Variants in ADAP1 observed in about 807,000 individuals in gnomAD.
ADAP1 encodes arf-GAP with dual PH domain-containing protein 1.
A neutral mutation model predicts 54.9 loss-of-function variants in ADAP1; 31 were observed. That is an observed-to-expected ratio of 0.56 (90% CI 0.42 to 0.76). The LOEUF is 0.76. Among genes scored for constraint, ADAP1 ranks in the 30% least tolerant of loss-of-function variants. The probability of loss-of-function intolerance (pLI) is 0.00; values close to 1 mark genes in which losing one functional copy is unlikely to be tolerated. For missense variants in ADAP1, 535 were observed against 512.4 expected, an observed-to-expected ratio of 1.04 and a Z score of -0.42; for synonymous variants, 313 against 202.6, an observed-to-expected ratio of 1.55 and a Z score of -4.63.
At chr7:906,807 G>GGTGACACA (rs1448502881) in intron 4 of ADAP1, among the ~76,000 whole-genome samples, 1 of 90,714 alleles carries the variant, frequency 1.1e-5, no homozygotes, top group Admixed American at 9.9e-5. Context: ...AGGGGACATG[G>GGTGACACA]GGGGACATGG....
chr7:939,446 C>G (rs1250451595), intron 1 of ADAP1, among the ~76,000 whole-genome samples: 1 of 151,734 alleles, frequency 6.6e-6, no homozygotes, highest in Non-Finnish European at 1.5e-5. Flanking sequence ...CTCAAACTCC[C>G]GACTTAGGTG....
rs143505529 is a variant in ADAP1, at chr7:904,327, G to A, written c.502-55C>T. 280 of 1,522,086 alleles carry A rather than the reference G, an allele frequency of 1.8e-4. No homozygotes were observed. In the African/African-American group the frequency reaches 3.0e-3, roughly 16 times the overall value. 94.3% of individuals were successfully genotyped at this position (1,522,086 alleles called of 1,614,324 possible). ...CAGGGGCCGTCGTCCAAGCTCAAGG[G>A]AGCAGGAAGGGCAGACCCTGTGGGT... On this transcript the variant is annotated intron_variant, in intron 5 of 10. Transcript: ENST00000265846.
intron 4 of ADAP1, among the ~76,000 whole-genome samples, chr7:907,217 A>G (rs1845505940): frequency 6.6e-6 from 1 of 152,126 alleles, no homozygotes; most frequent in Non-Finnish European, 1.5e-5. Flanking sequence ...TCCCCCTGGG[A>G]GCCTAAGCAC....
chr7:900,271 G>C (rs1403869486), intron 7 of ADAP1, 107 bp from the exon 8 acceptor site: 1 of 1,395,780 alleles, frequency 7.2e-7, no homozygotes, highest in Non-Finnish European at 1.0e-6. Flanking sequence ...ACCAGGTCAG[G>C]GCCCAGGCCT....
chr7:915,618 G>C (rs1008447177), intron 4 of ADAP1, among the ~76,000 whole-genome samples: 4 of 152,196 alleles, frequency 2.6e-5, no homozygotes, highest in Admixed American at 6.5e-5. Flanking sequence ...GGAGGCTTTA[G>C]CTCATCTCAA....
At position 946,866 on chromosome 7, in the gene ADAP1, C is replaced by T. The variant is rs996953881; in HGVS notation, c.82+7530G>A. Among the ~76,000 whole-genome samples the T allele has an allele frequency of 2.0e-5, 3 of 152,218 alleles. No individual in the cohort carries two copies. The highest frequency in any genetic ancestry group is 2.9e-5 in the Non-Finnish European group (2 of 68,036). ...ATGATTAACCTGAGGCCGGGCGGGG[C>T]GGCTCACGCCTGCAATCTCAGCACC... is the stretch of plus-strand genomic sequence containing the variant. On this transcript the variant is annotated intron_variant, in intron 1 of 10. Transcript: ENST00000265846. This position sits in a 1 kb window ranked among gnomAD's most constrained non-coding sequence, Gnocchi z 4.3.
At position 931,648 on chromosome 7, in the gene ADAP1, C is replaced by T. The variant is rs556173277; in HGVS notation, c.213+3727G>A. Reference sequence around the variant, plus strand: ...CTAATATTGGCTTCAGCGAAGGTTGCACAACTCTGAATTTACTAAAAAACC... The same window carrying T: ...CTAATATTGGCTTCAGCGAAGGTTGTACAACTCTGAATTTACTAAAAAACC... On this transcript the variant is annotated intron_variant, in intron 2 of 10. Transcript: ENST00000265846. Among the ~76,000 whole-genome samples the T allele has an allele frequency of 5.3e-5, 8 of 152,012 alleles. No individual in the cohort carries two copies. In the South Asian group the frequency reaches 1.7e-3, roughly 32 times the overall value.
At chr7:928,426 T>G (rs984215816) in intron 2 of ADAP1, among the ~76,000 whole-genome samples, 11 of 152,224 alleles carry the variant, frequency 7.2e-5, no homozygotes, top group African/African-American at 2.7e-4. Flanking sequence ...TTAAAATTAC[T>G]TTTACATGCA....
Position 920,487 on chromosome 7 carries a change from G to A in ADAP1, c.306-437C>T, listed in dbSNP as rs976662777. Among the ~76,000 whole-genome samples, 66 of 143,846 alleles carry A rather than the reference G, an allele frequency of 4.6e-4. No homozygotes were observed. Among genetic ancestry groups the A allele is most frequent in the Non-Finnish European group, 8.6e-4 (57 of 66,238 alleles). The allele number at this position is 143,846 out of a possible 152,430, so 94.4% of individuals were successfully genotyped here. On this transcript the variant is annotated intron_variant, in intron 3 of 10. Transcript: ENST00000265846. This position sits in a 1 kb window ranked among gnomAD's most constrained non-coding sequence, Gnocchi z 4.5. ...GGATCTGGGAAGTGGCCGCGGCGCC[G>A]CCCTCCACCCACCGTGCTGCCACCT...
At chr7:905,253 G>T (rs1240459908) in intron 4 of ADAP1, 81 bp from the exon 5 acceptor site, 2 of 966,722 alleles carry the variant, frequency 2.1e-6, no homozygotes, top group Non-Finnish European at 3.1e-6. Flanking sequence ...CAGGACAGAG[G>T]GGACATGGGG....
intron 4 of ADAP1, among the ~76,000 whole-genome samples, chr7:911,432 G>C (rs1845717375): frequency 6.6e-6 from 1 of 152,180 alleles, no homozygotes. Flanking sequence ...GTCAGCCCCA[G>C]GGTACCCCCC....
intron 2 of ADAP1, among the ~76,000 whole-genome samples, chr7:930,125 A>AAAAC (rs1562930816): frequency 2.2e-5 from 3 of 134,718 alleles, no homozygotes; most frequent in African/African-American, 5.1e-5. Context: ...AAAAAAAAAA[A>AAAAC]AACCCTCAGG....
At chr7:931,185 C>A (rs193043408) in intron 2 of ADAP1, among the ~76,000 whole-genome samples, 4 of 152,058 alleles carry the variant, frequency 2.6e-5, no homozygotes, top group Non-Finnish European at 5.9e-5. Flanking sequence ...CCCACACAGA[C>A]CCCTGGCTGC....
At chr7:914,892 G>A (rs1218399016) in intron 4 of ADAP1, among the ~76,000 whole-genome samples, 3 of 152,012 alleles carry the variant, frequency 2.0e-5, no homozygotes, top group African/African-American at 7.2e-5. Flanking sequence ...GCAGGGTAGA[G>A]GGGAGGCTTC....
At position 898,698 on chromosome 7, in the gene ADAP1, A is replaced by G. The variant is rs1583109490; in HGVS notation, c.*223T>C. 1.6e-6 allele frequency: 1 copy of G among 612,124 alleles called. No homozygotes were observed. Among genetic ancestry groups the G allele is most frequent in the East Asian group, 2.8e-5 (1 of 35,400 alleles). The allele number at this position is 612,124 out of a possible 1,614,324, so 37.9% of individuals were successfully genotyped here. A position where few individuals can be genotyped will look rare whatever the true frequency, so the allele number is the denominator to read the frequency against. On this transcript the variant is annotated 3_prime_UTR_variant, in exon 11 of 11. Transcript: ENST00000265846. ...AGGTTGGCTGGGTGTGGTCAGCAGC[A>G]GCATGACGGGGTTAGAGATCAGGCC... is the stretch of plus-strand genomic sequence containing the variant.
chr7:935,183 G>A (rs1331184209), intron 2 of ADAP1, 192 bp downstream of exon 2: 1 of 795,224 alleles, frequency 1.3e-6, no homozygotes, highest in Non-Finnish European at 2.1e-6. Context: ...CCCGGCACGG[G>A]GTGGGTGGAG....
At chr7:900,708 TCC>T in intron 6 of ADAP1, 92 bp from the exon 7 acceptor site, 3 of 860,246 alleles carry the variant, frequency 3.5e-6, no homozygotes, top group Non-Finnish European at 4.9e-6. Context: ...AGGGGCCGCT[TCC>T]CCCAGAGCCC....
At chr7:941,241 T>C (rs1428148111) in intron 1 of ADAP1, among the ~76,000 whole-genome samples, 2 of 152,128 alleles carry the variant, frequency 1.3e-5, no homozygotes, top group East Asian at 3.9e-4. Context: ...TCCCCCAAGA[T>C]CAAGAACAGG....
intron 2 of ADAP1, among the ~76,000 whole-genome samples, chr7:930,375 T>C (rs1369693942): frequency 4.3e-5 from 3 of 70,088 alleles, no homozygotes; most frequent in African/African-American, 7.3e-5. Context: ...GTGAAGAGAG[T>C]TCACAGGCAA....
Sources: allele counts gnomAD v4.1 joint callset (sites outside exome capture counted in the v4.1 genomes callset), GRCh38; gene constraint gnomAD v4.1.1; non-coding constraint Gnocchi (gnomAD v3.1); transcripts MANE v1.5; gene names NCBI Gene and HGNC (gene_info 2026-07-23, HGNC 2026-07-21).